CHD1: variants seen among roughly 807,000 people sequenced by gnomAD.
The protein encoded by CHD1 is chromodomain helicase DNA binding protein 1.
In CHD1, 36 loss-of-function variants were observed where a neutral mutation model predicts 224.2. The ratio of observed to expected loss-of-function variants is 0.16; its 90% CI spans 0.12 to 0.21. The LOEUF (loss-of-function observed/expected upper bound fraction) is 0.21, where lower values mean the gene tolerates loss of function less well. Among genes scored for constraint, CHD1 ranks in the 10% least tolerant of loss-of-function variants. The pLI, the probability that CHD1 is intolerant of heterozygous loss-of-function variation, is 1.00. For missense variants in CHD1, 1,378 were observed against 1,994.8 expected (o/e 0.69, Z 5.89); for synonymous variants, 668 against 658.3 (o/e 1.01, Z -0.23).
intron 28 of CHD1, among the ~76,000 whole-genome samples, chr5:98,871,041 T>G (rs948020622): frequency 3.3e-5 from 5 of 152,000 alleles, no homozygotes; most frequent in African/African-American, 9.7e-5. Flanking sequence ...TCTTTCAAAA[T>G]GAAAATAGAA....
chr5:98,912,190 T>G (rs1752468342), intron 2 of CHD1, among the ~76,000 whole-genome samples: 1 of 152,078 alleles, frequency 6.6e-6, no homozygotes, highest in Admixed American at 6.6e-5. Context: ...TGTACAATGA[T>G]GGAAAAATTT....
At chr5:98,913,795 C>G (rs1752569687) in intron 2 of CHD1, among the ~76,000 whole-genome samples, 1 of 152,136 alleles carries the variant, frequency 6.6e-6, no homozygotes, top group Non-Finnish European at 1.5e-5. Flanking sequence ...CAAATACATT[C>G]AAGCTCAGAG....
intron 16 of CHD1, 83 bp downstream of exon 16, chr5:98,888,993 A>C (rs1750831593): frequency 2.3e-6 from 2 of 884,222 alleles, no homozygotes; most frequent in Middle Eastern, 3.4e-4. Flanking sequence ...CAATAAGTTA[A>C]AGCATTGAGC....
intron 2 of CHD1, among the ~76,000 whole-genome samples, chr5:98,922,704 G>C (rs1354469996): frequency 1.3e-5 from 2 of 152,120 alleles, no homozygotes; most frequent in Non-Finnish European, 2.9e-5. Context: ...AATTATATTA[G>C]GGGCCAGGCA....
At chr5:98,903,938 A>G (rs1166239137) in intron 3 of CHD1, 30 bp from the exon 4 acceptor site, 1 of 1,385,422 alleles carries the variant, frequency 7.2e-7, no homozygotes, top group South Asian at 1.3e-5. Context: ...CAGTGAATGA[A>G]GAAGTATTAA....
At chr5:98,869,716 T>TCC in intron 30 of CHD1, 38 bp downstream of exon 30, 1 of 1,604,038 alleles carries the variant, frequency 6.2e-7, no homozygotes, top group Non-Finnish European at 8.5e-7. Flanking sequence ...ATATTCCCTT[T>TCC]CCATAGAAAA....
rs113502266 is a variant in CHD1, at chr5:98,869,622, GCACA to G, written c.4107+128_4107+131del. 2,510 of 715,372 alleles carry G rather than the reference GCACA, an allele frequency of 3.5e-3. 8 individuals carry two copies. The highest frequency in any genetic ancestry group is 0.022 in the African/African-American group (1,120 of 51,230). 44.3% of individuals were successfully genotyped at this position (715,372 alleles called of 1,614,324 possible). A position where few individuals can be genotyped will look rare whatever the true frequency, so the allele number is the denominator to read the frequency against. ...TATAAGTGCGTGCGCACGTGCGCGC[GCACA>G]CACACACACACACACACACACACAC... On this transcript the variant is annotated intron_variant, in intron 30 of 35. Transcript: ENST00000614616.
chr5:98,913,983 C>T (rs1316436179), intron 2 of CHD1, among the ~76,000 whole-genome samples: 2 of 152,022 alleles, frequency 1.3e-5, no homozygotes, highest in African/African-American at 4.8e-5. Context: ...CCCTATCCAC[C>T]CAGTATCTAT....
chr5:98,911,620 G>C (rs1166821240), intron 2 of CHD1, among the ~76,000 whole-genome samples: 1 of 151,982 alleles, frequency 6.6e-6, no homozygotes, highest in Non-Finnish European at 1.5e-5. Flanking sequence ...TCACTAATAG[G>C]GACAGACAAA....
At chr5:98,906,345 G>C (rs563281138) in intron 2 of CHD1, among the ~76,000 whole-genome samples, 1 of 152,182 alleles carries the variant, frequency 6.6e-6, no homozygotes, top group Non-Finnish European at 1.5e-5. Context: ...TAGTTTAGAG[G>C]TCCAAAAACA....
At chr5:98,918,333 T>C (rs964982038) in intron 2 of CHD1, among the ~76,000 whole-genome samples, 3 of 151,558 alleles carry the variant, frequency 2.0e-5, no homozygotes, top group African/African-American at 7.3e-5. Flanking sequence ...GTGCTGGGAT[T>C]ACAGATGTGA....
intron 2 of CHD1, among the ~76,000 whole-genome samples, chr5:98,924,649 ATAAAC>A (rs1753330052): frequency 6.6e-6 from 1 of 152,228 alleles, no homozygotes; most frequent in Admixed American, 6.5e-5. Flanking sequence ...ATGAAAGCTG[ATAAAC>A]TAAAGTATAA....
At chr5:98,909,418 GTTTTC>G (rs1752250065) in intron 2 of CHD1, among the ~76,000 whole-genome samples, 1 of 152,176 alleles carries the variant, frequency 6.6e-6, no homozygotes, top group Admixed American at 6.5e-5. Context: ...ATGTTTTGTT[GTTTTC>G]TTTTGTGTGA....
At chr5:98,894,725 T>A (rs754959771) in intron 12 of CHD1, 39 bp from the exon 13 acceptor site, 3 of 877,494 alleles carry the variant, frequency 3.4e-6, no homozygotes, top group Admixed American at 2.4e-5. Context: ...AAGACAAACA[T>A]CAAGCAAATT....
intron 2 of CHD1, among the ~76,000 whole-genome samples, chr5:98,916,506 T>C (rs972538957): frequency 5.2e-5 from 7 of 134,510 alleles, no homozygotes; most frequent in South Asian, 2.3e-4. Context: ...GATTGCAACA[T>C]TGCACTCCAG....
chr5:98,912,723 G>A (rs1469124313), intron 2 of CHD1, among the ~76,000 whole-genome samples: 1 of 152,066 alleles, frequency 6.6e-6, no homozygotes, highest in Non-Finnish European at 1.5e-5. Context: ...GTATACAAAA[G>A]TCACCTCGGC....
chr5:98,857,921 C>T (rs538533012), intron 35 of CHD1, among the ~76,000 whole-genome samples: 2 of 151,974 alleles, frequency 1.3e-5, no homozygotes, highest in African/African-American at 2.4e-5. Context: ...ATGAACCCCA[C>T]GCAATTTATA....
intron 2 of CHD1, among the ~76,000 whole-genome samples, chr5:98,922,525 A>C (rs979818179): frequency 1.3e-5 from 2 of 152,202 alleles, no homozygotes; most frequent in Non-Finnish European, 2.9e-5. Flanking sequence ...GCAAATGCCA[A>C]ATGAATTCTT....
At chr5:98,911,146 A>AAAAAAAAAATATATATATATATATAT (rs1491111295) in intron 2 of CHD1, among the ~76,000 whole-genome samples, 5 of 39,112 alleles carry the variant, frequency 1.3e-4, no homozygotes, top group Non-Finnish European at 1.8e-4. Context: ...AAAAAAAAAA[A>AAAAAAAAAATATATATATATATATAT]ATATATATAT....
Sources: allele counts gnomAD v4.1 joint callset (sites outside exome capture counted in the v4.1 genomes callset), GRCh38; gene constraint gnomAD v4.1.1; transcripts MANE v1.5; gene names NCBI Gene and HGNC (gene_info 2026-07-23, HGNC 2026-07-21).